DDX52: variants seen among roughly 807,000 people sequenced by gnomAD.
DDX52 encodes DExD-box helicase 52.
A neutral mutation model predicts 76.1 loss-of-function variants in DDX52; 59 were observed. The ratio of observed to expected loss-of-function variants is 0.78; its 90% CI spans 0.63 to 0.96. The LOEUF (loss-of-function observed/expected upper bound fraction) is 0.96, where lower values mean the gene tolerates loss of function less well. DDX52 is among the 40% of genes least tolerant of loss of function. DDX52 has a pLI of 0.00. For missense variants in DDX52, 707 were observed against 703.9 expected, an observed-to-expected ratio of 1.00 and a Z score of -0.05; for synonymous variants, 231 against 244.1, an observed-to-expected ratio of 0.95 and a Z score of 0.50.
intron 2 of DDX52, among the ~76,000 whole-genome samples, chr17:37,638,098 G>A (rs555005040): frequency 2.0e-5 from 3 of 152,286 alleles, no homozygotes; most frequent in Non-Finnish European, 4.4e-5. Context: ...TTAAACCAAT[G>A]GCTACCAAGA....
At position 37,636,266 on chromosome 17, in the gene DDX52, T is replaced by C. The variant is rs551989742; in HGVS notation, c.287-2848A>G. 2.6e-5 allele frequency among the ~76,000 whole-genome samples: 4 copies of C among 152,320 alleles called. No homozygotes were observed. The East Asian group carries it at 7.7e-4, about 29-fold the overall frequency. ...GAGTCATTTGAAGTTAATTTTTGCT[T>C]ACAATATAAAGTTAGGTTTGATGTT... On this transcript the variant is annotated intron_variant, in intron 2 of 14. Transcript: ENST00000617633.
chr17:37,623,649 A>C (rs1369497015), intron 9 of DDX52, among the ~76,000 whole-genome samples: 1 of 152,150 alleles, frequency 6.6e-6, no homozygotes, highest in Non-Finnish European at 1.5e-5. Context: ...TTTATCCTGA[A>C]AATCCTTCAA....
At chr17:37,623,369 G>T (rs1245352305) in intron 9 of DDX52, among the ~76,000 whole-genome samples, 1 of 150,890 alleles carries the variant, frequency 6.6e-6, no homozygotes, top group Non-Finnish European at 1.5e-5. Context: ...AGCTTGCAGT[G>T]AGCCAAGATG....
intron 2 of DDX52, among the ~76,000 whole-genome samples, chr17:37,638,580 T>C (rs2031036555): frequency 6.6e-6 from 1 of 152,136 alleles, no homozygotes; most frequent in African/African-American, 2.4e-5. Context: ...TTAAGACAAT[T>C]AGTCAACATA....
chr17:37,625,023 CAAGAT>C lies in DDX52; in HGVS notation c.1137-594_1137-590del, dbSNP rs576405361. Among the ~76,000 whole-genome samples the C allele has an allele frequency of 3.2e-3, 476 of 150,928 alleles. 6 individuals are homozygous for C. The East Asian group carries it at 0.048, about 15-fold the overall frequency. On this transcript the variant is annotated intron_variant, in intron 8 of 14. Coordinates refer to ENST00000617633, the MANE Select transcript of DDX52 (RefSeq NM_007010.5). The stretch of plus-strand genomic sequence containing the variant: ...CTGCTTTCCTGTTTTTTTTGTTTTT[CAAGAT>C]GGAATCTCACTCTGTCACCCAGGCT...
intron 9 of DDX52, among the ~76,000 whole-genome samples, chr17:37,621,885 G>T (rs1415332483): frequency 2.0e-5 from 3 of 152,112 alleles, no homozygotes; most frequent in Non-Finnish European, 4.4e-5. Flanking sequence ...TAATTCACTG[G>T]GTTTTTTGGG....
chr17:37,640,312 G>T (rs1388154910), intron 2 of DDX52, among the ~76,000 whole-genome samples: 1 of 152,178 alleles, frequency 6.6e-6, no homozygotes, highest in Non-Finnish European at 1.5e-5. Context: ...GTGTTAAAAT[G>T]AACAAGGCAA....
At chr17:37,615,027 C>T (rs545087073) in intron 14 of DDX52, 3 of 152,298 alleles carry the variant, frequency 2.0e-5, no homozygotes, top group Non-Finnish European at 2.9e-5. Flanking sequence ...AGTTCCTCCC[C>T]GACTCACTGC....
At chr17:37,642,673 A>G in intron 1 of DDX52, 1 of 239,858 alleles carries the variant, frequency 4.2e-6, no homozygotes, top group East Asian at 1.2e-4. Flanking sequence ...TAACTGGCAG[A>G]CTTAGCATTT....
chr17:37,618,835 T>C (rs2029930136), intron 13 of DDX52, among the ~76,000 whole-genome samples: 1 of 152,182 alleles, frequency 6.6e-6, no homozygotes, highest in African/African-American at 2.4e-5. Flanking sequence ...GGGCTGTAAC[T>C]ACTTTAATAA....
intron 8 of DDX52, 26 bp downstream of exon 8, chr17:37,625,868 TG>T (rs1212473723): frequency 6.2e-7 from 1 of 1,611,798 alleles, no homozygotes; most frequent in East Asian, 2.2e-5. Context: ...AAAATCAGTG[TG>T]ATAATGTTGA....
At chr17:37,619,501 A>C (rs998716463) in intron 13 of DDX52, among the ~76,000 whole-genome samples, 1 of 152,116 alleles carries the variant, frequency 6.6e-6, no homozygotes, top group African/African-American at 2.4e-5. Flanking sequence ...CCAGGAGTTC[A>C]AGACTAGCCT....
At chr17:37,626,681 G>A in intron 7 of DDX52, 107 bp downstream of exon 7, 1 of 1,061,164 alleles carries the variant, frequency 9.4e-7, no homozygotes, top group East Asian at 2.4e-5. Context: ...ACTGACTGAA[G>A]GTGGCAAACA....
intron 14 of DDX52, among the ~76,000 whole-genome samples, chr17:37,616,562 C>T (rs1251427080): frequency 1.3e-5 from 2 of 150,796 alleles, no homozygotes; most frequent in Admixed American, 1.3e-4. Context: ...GGCTGAGGCA[C>T]GAGAATCACT....
intron 9 of DDX52, chr17:37,624,018 T>G (rs1295235587): frequency 6.0e-6 from 1 of 166,820 alleles, no homozygotes; most frequent in Non-Finnish European, 1.3e-5. Context: ...TGTGGAAAAA[T>G]GAGATTCTCA....
At position 37,625,968 on chromosome 17, in the gene DDX52, T is replaced by C. The variant is rs771905966; in HGVS notation, c.1063A>G (p.Thr355Ala). The C allele has an allele frequency of 1.9e-6, 3 of 1,614,214 alleles. No homozygotes were observed. The highest frequency in any genetic ancestry group is 1.6e-4 in the Middle Eastern group (1 of 6,062). The change falls in exon 8 of 15, where the codon ACT (threonine) becomes GCT (alanine). Residue 355 changes from threonine to alanine, a missense_variant. Coordinates refer to ENST00000617633, the MANE Select transcript of DDX52 (RefSeq NM_007010.5). ...HKVRRAMFSA[T>A]FAYDVEQWCK... ...CACTGTTCAACATCATATGCAAAAG[T>C]TGCACTGAACATAGCTCTTCGGACC... is the stretch of plus-strand genomic sequence containing the variant.
intron 14 of DDX52, among the ~76,000 whole-genome samples, chr17:37,615,458 G>A (rs1342639125): frequency 2.0e-5 from 3 of 152,190 alleles, no homozygotes; most frequent in South Asian, 2.1e-4. Flanking sequence ...TAGGCAGATC[G>A]CTTGAGTCCA....
intron 6 of DDX52, among the ~76,000 whole-genome samples, chr17:37,628,224 A>G (rs2030487938): frequency 6.6e-6 from 1 of 152,180 alleles, no homozygotes; most frequent in Non-Finnish European, 1.5e-5. Flanking sequence ...TGTCCTGTGC[A>G]CCGCAGAATG....
At position 37,642,189 on chromosome 17, in the gene DDX52, T is replaced by C. The variant is rs750068844; in HGVS notation, c.207A>G (p.Gln69=). The change falls in exon 2 of 15, where the codon CAA becomes CAG. Residue 69 remains glutamine (Q), a synonymous_variant. Coordinates refer to ENST00000617633, the MANE Select transcript of DDX52 (RefSeq NM_007010.5). ...CGASQTHQKP[Q]NGEKKEESLT... ...GGCTCTCTTCTTTTTTCTCTCCATTTTGGGGCTTCTGATGTGTTTGTGATG... is the reference window on the plus strand; with the variant it reads ...GGCTCTCTTCTTTTTTCTCTCCATTCTGGGGCTTCTGATGTGTTTGTGATG... 1.2e-6 allele frequency: 2 copies of C among 1,614,178 alleles called. No individual in the cohort carries two copies. The highest frequency in any genetic ancestry group is 1.1e-5 in the South Asian group (1 of 91,082).
Sources: allele counts gnomAD v4.1 joint callset (sites outside exome capture counted in the v4.1 genomes callset), GRCh38; gene constraint gnomAD v4.1.1; transcripts MANE v1.5; gene names NCBI Gene and HGNC (gene_info 2026-07-23, HGNC 2026-07-21).